CHCHD3: variants seen among roughly 807,000 people sequenced by gnomAD.
CHCHD3 encodes coiled-coil-helix-coiled-coil-helix domain containing 3, also known as MICOS complex subunit MIC19.
A neutral mutation model predicts 38.2 loss-of-function variants in CHCHD3; 20 were observed. The ratio of observed to expected loss-of-function variants is 0.52; its 90% CI spans 0.37 to 0.76. The LOEUF is 0.76. Among genes scored for constraint, CHCHD3 ranks in the 30% least tolerant of loss-of-function variants. The pLI is 0.00. For missense variants in CHCHD3, 245 were observed against 279.2 expected, an observed-to-expected ratio of 0.88 and a Z score of 0.87; for synonymous variants, 82 against 100.0, an observed-to-expected ratio of 0.82 and a Z score of 1.07.
chr7:132,996,315 G>C (rs1291783051), intron 3 of CHCHD3, among the ~76,000 whole-genome samples: 3 of 152,252 alleles, frequency 2.0e-5, no homozygotes, highest in Non-Finnish European at 4.4e-5. Context: ...CGCAGTTATT[G>C]ACATCACAAG....
chr7:132,909,280 G>A (rs1809878292), intron 4 of CHCHD3, among the ~76,000 whole-genome samples: 1 of 152,070 alleles, frequency 6.6e-6, no homozygotes, highest in South Asian at 2.1e-4. Flanking sequence ...GATCACTTGA[G>A]GTCAGGAGCT....
chr7:132,794,779 G>A (rs188910740), intron 7 of CHCHD3, among the ~76,000 whole-genome samples: 10 of 152,082 alleles, frequency 6.6e-5, no homozygotes, highest in Admixed American at 5.2e-4. Flanking sequence ...GGAAAGAAGG[G>A]GAAAAATAAG....
intron 6 of CHCHD3, among the ~76,000 whole-genome samples, chr7:132,820,171 A>C (rs944669184): frequency 2.0e-5 from 3 of 152,190 alleles, no homozygotes; most frequent in African/African-American, 7.2e-5. Flanking sequence ...TTATCACCAC[A>C]AATCAGGATC....
At chr7:133,051,975 G>T (rs1436424221) in intron 2 of CHCHD3, 2 of 152,074 alleles carry the variant, frequency 1.3e-5, no homozygotes, top group African/African-American at 2.4e-5. Context: ...GAGAAATAAA[G>T]AAACATACCC....
intron 5 of CHCHD3, among the ~76,000 whole-genome samples, chr7:132,878,484 T>G (rs1365894833): frequency 6.6e-6 from 1 of 152,212 alleles, no homozygotes; most frequent in Non-Finnish European, 1.5e-5. Context: ...AAGCATGACC[T>G]TAGAATTTAA....
chr7:132,819,677 A>C (rs927613995), intron 6 of CHCHD3, among the ~76,000 whole-genome samples: 2 of 152,204 alleles, frequency 1.3e-5, no homozygotes, highest in African/African-American at 4.8e-5. Context: ...TGACATAAAC[A>C]CACAGGGAAC....
chr7:132,982,562 G>A (rs1023511298), intron 3 of CHCHD3, among the ~76,000 whole-genome samples: 2 of 152,238 alleles, frequency 1.3e-5, no homozygotes, highest in African/African-American at 4.8e-5. Flanking sequence ...TAGGATTACA[G>A]GCGAAAGCCA....
chr7:133,064,856 C>T (rs1814625533), intron 2 of CHCHD3, among the ~76,000 whole-genome samples: 1 of 152,060 alleles, frequency 6.6e-6, no homozygotes. Flanking sequence ...ACGAAAACAA[C>T]AAAACATCTC....
intron 7 of CHCHD3, among the ~76,000 whole-genome samples, chr7:132,794,966 T>C (rs1051549762): frequency 2.0e-5 from 3 of 152,256 alleles, no homozygotes; most frequent in African/African-American, 7.2e-5. Flanking sequence ...ACAAGTTAAC[T>C]TTGCTTTATC....
intron 5 of CHCHD3, among the ~76,000 whole-genome samples, chr7:132,878,426 T>A (rs1437169374): frequency 6.6e-6 from 1 of 152,196 alleles, no homozygotes; most frequent in Admixed American, 6.5e-5. Flanking sequence ...ATAAAAGACA[T>A]GTCATCTGCC....
In CHCHD3 at chr7:133,035,447, T is replaced by A. The variant is rs757675854; in HGVS notation, c.170-10820A>T. The A allele has an allele frequency of 6.2e-7, 1 of 1,613,392 alleles. No individual in the cohort carries two copies. Among genetic ancestry groups the A allele is most frequent in the Non-Finnish European group, 8.5e-7 (1 of 1,179,504 alleles). The stretch of plus-strand genomic sequence containing the variant: ...TGCAGACAACTGTGATGTCAGCCAA[T>A]GTCACTCGTTCGCCCACCAGAAAAG... On this transcript the variant is annotated intron_variant, in intron 2 of 7. Transcript: ENST00000262570. The surrounding 1 kb of genome is among the most constrained non-coding windows in gnomAD (Gnocchi z 4.7).
At position 133,070,180 on chromosome 7, in the gene CHCHD3, G is replaced by C. The variant is rs777872331; in HGVS notation, c.131C>G (p.Ser44Trp). The C allele has an allele frequency of 6.2e-7, 1 of 1,612,998 alleles. No individual in the cohort carries two copies. Among genetic ancestry groups the C allele is most frequent in the Admixed American group, 1.7e-5 (1 of 59,934 alleles). Residue 44 changes from serine (S) to tryptophan (W), a missense_variant, in exon 2 of 8, where the codon TCG becomes TGG. Transcript: ENST00000262570. ...AGCACCAGAATACCGCTGAGACTTC[G>C]AACCAGATGGAGAGGATTCCTTCAT... ...DRMKESSPSG[S>W]KSQRYSGAYG...
At chr7:132,846,245 C>T (rs1562883680) in intron 5 of CHCHD3, among the ~76,000 whole-genome samples, 1 of 152,172 alleles carries the variant, frequency 6.6e-6, no homozygotes. Context: ...CAAACCTGGG[C>T]CTCTCTCTTG....
At chr7:132,826,302 T>C (rs934927166) in intron 6 of CHCHD3, among the ~76,000 whole-genome samples, 1 of 152,230 alleles carries the variant, frequency 6.6e-6, no homozygotes, top group African/African-American at 2.4e-5. Context: ...GCTTACTTCT[T>C]TGTAATTGCA....
chr7:132,900,669 C>A (rs1003333631), intron 4 of CHCHD3, among the ~76,000 whole-genome samples: 2 of 152,134 alleles, frequency 1.3e-5, no homozygotes, highest in African/African-American at 4.8e-5. Context: ...AAAACTAAAT[C>A]CTTAAGATGC....
intron 6 of CHCHD3, among the ~76,000 whole-genome samples, chr7:132,812,208 T>TC (rs1807089961): frequency 1.5e-5 from 2 of 135,132 alleles, no homozygotes; most frequent in South Asian, 2.6e-4. Context: ...TTCTTTTTTT[T>TC]TTTTTTTTTT....
intron 4 of CHCHD3, among the ~76,000 whole-genome samples, chr7:132,909,573 C>T (rs983877112): frequency 1.3e-5 from 2 of 152,096 alleles, no homozygotes; most frequent in African/African-American, 2.4e-5. Context: ...ACTAATACAC[C>T]TACAATACTA....
intron 1 of CHCHD3, among the ~76,000 whole-genome samples, chr7:133,073,603 G>C (rs1480177711): frequency 6.6e-6 from 1 of 152,078 alleles, no homozygotes; most frequent in Non-Finnish European, 1.5e-5. Flanking sequence ...CATAGGGCTT[G>C]TTCTTAACTC....
intron 4 of CHCHD3, among the ~76,000 whole-genome samples, chr7:132,957,611 AGCTGGGATTACAG>A (rs543090986): frequency 1.0e-3 from 157 of 152,160 alleles, no homozygotes; most frequent in African/African-American, 3.6e-3. Flanking sequence ...GCCTCCGAGT[AGCTGGGATTACAG>A]GCTGCGCCAC....
Sources: gnomAD v4.1 joint callset for allele counts (sites outside exome capture counted in the v4.1 genomes callset) on GRCh38, gnomAD v4.1.1 for gene constraint, Gnocchi (gnomAD v3.1) non-coding constraint, MANE v1.5 for transcripts, NCBI Gene and HGNC (gene_info 2026-07-23, HGNC 2026-07-21) for gene names.